FAF1: variants seen among roughly 807,000 people sequenced by gnomAD.
FAF1 encodes Fas associated factor 1, also known as FAS-associated factor 1.
FAF1 carries 25 observed loss-of-function variants against 92.5 expected under a neutral mutation model. The observed-to-expected ratio is 0.27, with a 90% CI of 0.20 to 0.38. The LOEUF is 0.38. Among genes scored for constraint, FAF1 ranks in the 10% least tolerant of loss-of-function variants. The pLI is 1.00. For missense variants in FAF1, 636 were observed against 793.3 expected (o/e 0.80, Z 2.38); for synonymous variants, 234 against 273.2 (o/e 0.86, Z 1.42).
chr1:50,786,815 A>T (rs1304467872), intron 4 of FAF1, among the ~76,000 whole-genome samples: 1 of 152,230 alleles, frequency 6.6e-6, no homozygotes, highest in Non-Finnish European at 1.5e-5. Flanking sequence ...TTGATCAAAC[A>T]GGGACTTATA....
intron 18 of FAF1, among the ~76,000 whole-genome samples, chr1:50,462,686 G>T (rs1331277644): frequency 6.6e-6 from 1 of 152,128 alleles, no homozygotes; most frequent in Non-Finnish European, 1.5e-5. Context: ...TACAAACTAG[G>T]TGATGGCTAT....
chr1:50,512,983 G>T (rs1299901337), intron 15 of FAF1, among the ~76,000 whole-genome samples: 1 of 152,146 alleles, frequency 6.6e-6, no homozygotes, highest in Non-Finnish European at 1.5e-5. Context: ...GCAGAAAGTG[G>T]GGACAGATAG....
intron 18 of FAF1, 136 bp from the exon 19 acceptor site, chr1:50,441,659 T>C (rs1646167781): frequency 2.1e-6 from 1 of 466,036 alleles, no homozygotes; most frequent in African/African-American, 2.0e-5. Flanking sequence ...TTAGTTGATC[T>C]TCAAAATAAC....
intron 8 of FAF1, chr1:50,612,369 T>A (rs1557434792): frequency 4.0e-6 from 5 of 1,240,636 alleles, no homozygotes; most frequent in Admixed American, 5.7e-5. Flanking sequence ...GTTTGATAAA[T>A]AAAGAGGTTC....
chr1:50,889,661 GTAGTTGAGCAGT>G (rs1644702546), intron 1 of FAF1, among the ~76,000 whole-genome samples: 1 of 152,216 alleles, frequency 6.6e-6, no homozygotes, highest in South Asian at 2.1e-4. Context: ...CAGTTTCCAT[GTAGTTGAGCAGT>G]TTTGAGTGAG....
chr1:50,448,615 G>C (rs1018180064), intron 18 of FAF1, among the ~76,000 whole-genome samples: 4 of 152,102 alleles, frequency 2.6e-5, no homozygotes, highest in Admixed American at 2.6e-4. Context: ...AAGGTACGAG[G>C]GCCTGCAGTG....
chr1:50,720,690 A>G (rs1010016977), intron 6 of FAF1, among the ~76,000 whole-genome samples: 2 of 152,152 alleles, frequency 1.3e-5, no homozygotes, highest in Admixed American at 6.5e-5. Flanking sequence ...CCCCCACCCT[A>G]GGAATCTTAT....
At chr1:50,921,608 A>C (rs1423621415) in intron 1 of FAF1, among the ~76,000 whole-genome samples, 1 of 151,950 alleles carries the variant, frequency 6.6e-6, no homozygotes, top group African/African-American at 2.4e-5. Context: ...CTAAAAATAC[A>C]ACAGTTAGGA....
intron 8 of FAF1, among the ~76,000 whole-genome samples, chr1:50,609,566 T>G (rs1652598022): frequency 6.6e-6 from 1 of 152,106 alleles, no homozygotes; most frequent in South Asian, 2.1e-4. Context: ...TTTTAAATTT[T>G]TAGTAGAGTC....
intron 4 of FAF1, among the ~76,000 whole-genome samples, chr1:50,762,164 A>T (rs915703009): frequency 0.011 from 1,690 of 152,170 alleles, 36 homozygotes; most frequent in African/African-American, 0.039. Flanking sequence ...GGAGAACTAC[A>T]AACCACTGCT....
At chr1:50,573,249 C>T (rs1246346859) in intron 12 of FAF1, among the ~76,000 whole-genome samples, 1 of 151,774 alleles carries the variant, frequency 6.6e-6, no homozygotes, top group Non-Finnish European at 1.5e-5. Flanking sequence ...CAGGCAGCTG[C>T]CACCATGCCC....
intron 13 of FAF1, among the ~76,000 whole-genome samples, chr1:50,546,068 G>A (rs1210983794): frequency 1.3e-5 from 2 of 152,128 alleles, no homozygotes; most frequent in East Asian, 1.9e-4. Context: ...TGGGAGGCTG[G>A]GGCAGAAGGA....
At chr1:50,771,183 T>C (rs1569920190) in intron 4 of FAF1, among the ~76,000 whole-genome samples, 1 of 152,182 alleles carries the variant, frequency 6.6e-6, no homozygotes. Flanking sequence ...ATTCTGGACA[T>C]AGGCCCTGGC....
chr1:50,766,884 A>G (rs1660596697), intron 4 of FAF1, among the ~76,000 whole-genome samples: 1 of 152,130 alleles, frequency 6.6e-6, no homozygotes, highest in African/African-American at 2.4e-5. Flanking sequence ...AACCAGTGTA[A>G]GAACTCTGCC....
At chr1:50,761,903 C>G (rs1228137241) in intron 4 of FAF1, among the ~76,000 whole-genome samples, 1 of 152,114 alleles carries the variant, frequency 6.6e-6, no homozygotes, top group African/African-American at 2.4e-5. Flanking sequence ...CAAATTGTCC[C>G]TGTTTGCAGA....
intron 8 of FAF1, among the ~76,000 whole-genome samples, chr1:50,645,253 A>G (rs933057725): frequency 1.5e-4 from 23 of 152,252 alleles, no homozygotes; most frequent in Admixed American, 1.3e-3. Context: ...ACAGGCTAAC[A>G]AAGTAATTTA....
intron 13 of FAF1, among the ~76,000 whole-genome samples, chr1:50,561,039 C>T (rs961918793): frequency 2.0e-5 from 3 of 152,152 alleles, no homozygotes; most frequent in Non-Finnish European, 2.9e-5. Flanking sequence ...TCTCTTCCAC[C>T]GTGTAGCCAC....
At chr1:50,519,509 C>T (rs944241925) in intron 15 of FAF1, among the ~76,000 whole-genome samples, 3 of 151,884 alleles carry the variant, frequency 2.0e-5, no homozygotes, top group Non-Finnish European at 4.4e-5. Flanking sequence ...TACTAGTCTG[C>T]TACAATTTTT....
chr1:50,895,110 G>T (rs573666280), intron 1 of FAF1, among the ~76,000 whole-genome samples: 1 of 150,096 alleles, frequency 6.7e-6, no homozygotes, highest in Non-Finnish European at 1.5e-5. Flanking sequence ...TTTTAGAAAA[G>T]AAAAAAAAAT....
Sources: gnomAD v4.1 joint callset for allele counts (sites outside exome capture counted in the v4.1 genomes callset) on GRCh38, gnomAD v4.1.1 for gene constraint, MANE v1.5 for transcripts, NCBI Gene and HGNC (gene_info 2026-07-23, HGNC 2026-07-21) for gene names.